The following ADGRE5 variants were observed in gnomAD, a reference collection of about 807,000 sequenced individuals.
The protein encoded by ADGRE5 is CD97 molecule.
A neutral mutation model predicts 100.3 loss-of-function variants in ADGRE5; 72 were observed. The ratio of observed to expected loss-of-function variants is 0.72; its 90% confidence interval spans 0.59 to 0.87. The LOEUF (loss-of-function observed/expected upper bound fraction) is 0.87. ADGRE5 is among the 40% of genes least tolerant of loss of function. ADGRE5 has a pLI of 0.00. For synonymous variants in ADGRE5, 439 were observed against 447.8 expected (o/e 0.98, Z 0.25); for missense variants, 959 against 1,094.7 (o/e 0.88, Z 1.75).
chr19:14,383,001 G>T (rs1345908924), intron 1 of ADGRE5, among the ~76,000 whole-genome samples: 1 of 152,084 alleles, frequency 6.6e-6, no homozygotes, highest in Non-Finnish European at 1.5e-5. Flanking sequence ...CTCCCAAAGT[G>T]CTGGGATTAC....
At chr19:14,393,674 T>C (rs1465327015) in intron 4 of ADGRE5, among the ~76,000 whole-genome samples, 1 of 152,174 alleles carries the variant, frequency 6.6e-6, no homozygotes, top group African/African-American at 2.4e-5. Flanking sequence ...CTGCCCTGCA[T>C]TCAGGCAGAG....
rs190097664 is a variant in ADGRE5, at chr19:14,390,789, C to T, written c.191-135C>T. 9.3e-5 allele frequency: 94 copies of T among 1,011,322 alleles called. No individual in the cohort carries two copies. The East Asian group carries it at 2.3e-3, about 25-fold the overall frequency. 62.6% of individuals were successfully genotyped at this position (1,011,322 alleles called of 1,614,324 possible). On this transcript the variant is annotated intron_variant, in intron 3 of 19. Coordinates refer to ENST00000242786, the MANE Select transcript of ADGRE5 (RefSeq NM_078481.4). ...TGGCTTGCTCCAGCTGCAGCATAGCCTGTGCAGTGCAACTTAAGATTTTTT... is the reference window on the plus strand; with the variant it reads ...TGGCTTGCTCCAGCTGCAGCATAGCTTGTGCAGTGCAACTTAAGATTTTTT...
intron 13 of ADGRE5, chr19:14,405,473 G>A: frequency 2.3e-6 from 1 of 430,332 alleles, no homozygotes; most frequent in Non-Finnish European, 4.1e-6. Context: ...CGTGACTTCA[G>A]TAGGATCCAT....
Position 14,407,099 on chromosome 19 carries a change from T to G in ADGRE5, c.2246T>G (p.Leu749Trp). The change falls in exon 18 of 20, where the codon TTG (leucine) becomes TGG (tryptophan). Residue 749 changes from leucine (L) to tryptophan (W), a missense_variant. Around this residue, in one of 6 missense-constraint regions of ADGRE5, gnomAD observed 428 missense variants for 386.2 expected, o/e 1.11. Coordinates refer to ENST00000242786, the MANE Select transcript of ADGRE5 (RefSeq NM_078481.4). ...TITAIAQLFL[L>W]GCTWVFGLFI... ...ACGGCCATCGCGCAGCTCTTCCTGT[T>G]GGGCTGCACCTGGGTCTTTGGCCTG... 6.2e-7 allele frequency: 1 copy of G among 1,614,150 alleles called. No homozygotes were observed. Among genetic ancestry groups the G allele is most frequent in the Non-Finnish European group, 8.5e-7 (1 of 1,180,018 alleles).
At chr19:14,407,357 C>T (rs558833092) in intron 18 of ADGRE5, 128 bp downstream of exon 18, 11 of 1,068,282 alleles carry the variant, frequency 1.0e-5, no homozygotes, top group Non-Finnish European at 1.3e-5. Flanking sequence ...GCTGTCTTTA[C>T]AAAAAAATTC....
rs1264884791 is a variant in ADGRE5, at chr19:14,396,379, A to G, written c.384A>G (p.Lys128=). 32 of 1,614,166 alleles carry G rather than the reference A, an allele frequency of 2.0e-5. No homozygotes were observed. Among genetic ancestry groups the G allele is most frequent in the African/African-American group, 2.7e-5 (2 of 74,960 alleles). ...GTCAGCAGAACCCAAGGCTCTGTAA[A>G]AGCTACGGCACCTGCGTCAACACCC... ...DECQQNPRLC[K]SYGTCVNTLG... Residue 128 remains lysine (K), a synonymous_variant, in exon 5 of 20, where the codon AAA becomes AAG. Transcript: ENST00000242786.
chr19:14,396,358 G>T lies in ADGRE5; in HGVS notation c.363G>T (p.Gln121His). 1.9e-6 allele frequency: 3 copies of T among 1,614,302 alleles called. No homozygotes were observed. The highest frequency in any genetic ancestry group is 2.5e-6 in the Non-Finnish European group (3 of 1,180,058). Residue 121 changes from glutamine to histidine, a missense_variant, in exon 5 of 20, where the codon CAG becomes CAT. Physicochemically the swap from Gln to His is conservative, Grantham distance 24. Around this residue, in one of 6 missense-constraint regions of ADGRE5, gnomAD observed 114 missense variants for 195.7 expected, o/e 0.58. Coordinates refer to ENST00000242786, the MANE Select transcript of ADGRE5 (RefSeq NM_078481.4). ...CTCTTGCAGATGTGGACGAATGTCA[G>T]CAGAACCCAAGGCTCTGTAAAAGCT... ...ENTCQDVDEC[Q>H]QNPRLCKSYG...
At chr19:14,392,321 GAC>G (rs1975630021) in intron 4 of ADGRE5, among the ~76,000 whole-genome samples, 1 of 133,752 alleles carries the variant, frequency 7.5e-6, no homozygotes, top group Non-Finnish European at 1.6e-5. Context: ...TTGTTTTTGA[GAC>G]AGAGTCTCAC....
In ADGRE5 at chr19:14,408,175, C is replaced by A; in HGVS notation, c.*54C>A. ...CTCCTGTGGCCACAGCAGCTTTGTA[C>A]ACGAAGACCATCCATCCTCCCTTCG... is the stretch of plus-strand genomic sequence containing the variant. On this transcript the variant is annotated 3_prime_UTR_variant, in exon 20 of 20. Coordinates refer to ENST00000242786, the MANE Select transcript of ADGRE5 (RefSeq NM_078481.4). 3 of 1,586,028 alleles carry A rather than the reference C, an allele frequency of 1.9e-6. No homozygotes were observed. Among genetic ancestry groups the A allele is most frequent in the Non-Finnish European group, 2.6e-6 (3 of 1,158,310 alleles).
rs1976200359 is a variant in ADGRE5, at chr19:14,405,764, T to C, written c.1646T>C (p.Leu549Pro). The change falls in exon 14 of 20, where the codon CTG (leucine) becomes CCG (proline). Residue 549 changes from leucine (L) to proline (P), a missense_variant. Physicochemically the swap from Leu to Pro is moderately conservative, Grantham distance 98. This residue lies in a region of ADGRE5 where 428 missense variants were observed against 386.2 expected (regional missense o/e 1.11). Coordinates refer to ENST00000242786, the MANE Select transcript of ADGRE5 (RefSeq NM_078481.4). Reference protein sequence around the residue: ...HYDVEDWKLTLITRVGLALSL... With the variant: ...HYDVEDWKLTPITRVGLALSL... The stretch of plus-strand genomic sequence containing the variant: ...CACTCCTAGGACTGGAAGCTGACCC[T>C]GATCACCAGGGTGGGACTGGCGCTG... 6.2e-7 allele frequency: 1 copy of C among 1,613,254 alleles called. No homozygotes were observed. Among genetic ancestry groups the C allele is most frequent in the Non-Finnish European group, 8.5e-7 (1 of 1,179,582 alleles).
At chr19:14,397,357 G>C (rs550890821) in intron 6 of ADGRE5, 134 bp downstream of exon 6, 3 of 1,437,012 alleles carry the variant, frequency 2.1e-6, no homozygotes, top group Non-Finnish European at 2.9e-6. Context: ...TTCTTCTGAG[G>C]CTAGATGAGA....
chr19:14,401,531 G>T lies in ADGRE5; in HGVS notation c.1043G>T (p.Gly348Val). The T allele has an allele frequency of 6.2e-7, 1 of 1,614,098 alleles. No homozygotes were observed. Among genetic ancestry groups the T allele is most frequent in the South Asian group, 1.1e-5 (1 of 91,084 alleles). The stretch of plus-strand genomic sequence containing the variant: ...ATCCTGGCCAAGAGCCTGCCTAAAG[G>T]CCCCTTCACCTACATTTCCCCTTCG... ...MRILAKSLPK[G>V]PFTYISPSNT... Residue 348 changes from glycine to valine, a missense_variant, in exon 10 of 20, where the codon GGC (glycine) becomes GTC (valine). This residue lies in a region of ADGRE5 where 246 missense variants were observed against 242.2 expected (regional missense o/e 1.02). Coordinates refer to ENST00000242786, the MANE Select transcript of ADGRE5 (RefSeq NM_078481.4). This position sits in a 1 kb window ranked among gnomAD's most constrained non-coding sequence, Gnocchi z 4.1.
In ADGRE5 at chr19:14,402,806, G is replaced by T; in HGVS notation, c.1393G>T (p.Ala465Ser). 1 of 1,613,916 alleles carries T rather than the reference G, an allele frequency of 6.2e-7. No individual in the cohort carries two copies. Among genetic ancestry groups the T allele is most frequent in the Non-Finnish European group, 8.5e-7 (1 of 1,180,008 alleles). ...TKELNSPILF[A>S]FSHLESSDGE... Reference sequence around the variant, plus strand: ...GGAACTCAACTCCCCCATCCTTTTCGCCTTCTCCCACCTTGAGTCCTCCGA... The same window carrying T: ...GGAACTCAACTCCCCCATCCTTTTCTCCTTCTCCCACCTTGAGTCCTCCGA... Residue 465 changes from alanine (A) to serine (S), a missense_variant, in exon 12 of 20, where the codon GCC becomes TCC. By Grantham distance (99) the Ala-to-Ser change is moderately conservative. Coordinates refer to ENST00000242786, the MANE Select transcript of ADGRE5 (RefSeq NM_078481.4).
At position 14,408,433 on chromosome 19, in the gene ADGRE5, C is replaced by G. The variant is rs866942379; in HGVS notation, c.*312C>G. 1.2e-5 allele frequency: 7 copies of G among 581,328 alleles called. No homozygotes were observed. The highest frequency in any genetic ancestry group is 4.0e-5 in the South Asian group (2 of 49,446). 36.0% of individuals were successfully genotyped at this position (581,328 alleles called of 1,614,324 possible). A position where few individuals can be genotyped will look rare whatever the true frequency, so the allele number is the denominator to read the frequency against. ...TGGCACCTGTGGCCAGTACTCGGGA[C>G]AGACTAAGGGCGCTTGTCCCATCCT... On this transcript the variant is annotated 3_prime_UTR_variant, in exon 20 of 20. Coordinates refer to ENST00000242786, the MANE Select transcript of ADGRE5 (RefSeq NM_078481.4).
chr19:14,385,329 C>G (rs563999908), intron 1 of ADGRE5, among the ~76,000 whole-genome samples: 1 of 152,036 alleles, frequency 6.6e-6, no homozygotes, highest in African/African-American at 2.4e-5. Flanking sequence ...TTCTGTCTCT[C>G]TGTCTCTTTG....
chr19:14,396,725 G>A (rs181333925), intron 5 of ADGRE5, among the ~76,000 whole-genome samples: 19 of 152,336 alleles, frequency 1.2e-4, no homozygotes, highest in Admixed American at 7.2e-4. Flanking sequence ...TGTCACGTGC[G>A]AGTGGAAGAA....
chr19:14,402,413 C>T (rs568446395), intron 11 of ADGRE5, among the ~76,000 whole-genome samples, 184 bp from the exon 12 acceptor site: 17 of 150,076 alleles, frequency 1.1e-4, no homozygotes, highest in Non-Finnish European at 1.6e-4. Context: ...CCAGCCTGGG[C>T]GAAAGAGCGA....
chr19:14,405,870 G>C lies in ADGRE5; in HGVS notation c.1752G>C (p.Leu584=), dbSNP rs1976206254. Residue 584 remains leucine (L), a synonymous_variant, in exon 14 of 20, where the codon CTG becomes CTC. Coordinates refer to ENST00000242786, the MANE Select transcript of ADGRE5 (RefSeq NM_078481.4). ...PIQGSRTTIH[L]HLCICLFVGS... ...AGGGCTCGCGCACCACCATACACCTGCACCTCTGCATCTGCCTCTTCGTGG... is the reference window on the plus strand; with the variant it reads ...AGGGCTCGCGCACCACCATACACCTCCACCTCTGCATCTGCCTCTTCGTGG... The C allele has an allele frequency of 7.4e-6, 12 of 1,612,712 alleles. No homozygotes were observed. Among genetic ancestry groups the C allele is most frequent in the Non-Finnish European group, 6.8e-6 (8 of 1,179,986 alleles).
rs375635650 is a variant in ADGRE5 at position 14,408,161 on chromosome 19, A to C, written c.*40A>C. The C allele has an allele frequency of 5.3e-5, 85 of 1,608,590 alleles. No homozygotes were observed. In the African/African-American group the frequency reaches 8.3e-4, roughly 16 times the overall value. ...GGACGGCCCAGCAGCTCCTGTGGCC[A>C]CAGCAGCTTTGTACACGAAGACCAT... On this transcript the variant is annotated 3_prime_UTR_variant, in exon 20 of 20. Coordinates refer to ENST00000242786, the MANE Select transcript of ADGRE5 (RefSeq NM_078481.4).
Sources: gnomAD v4.1 joint callset for allele counts (sites outside exome capture counted in the v4.1 genomes callset) on GRCh38, gnomAD v4.1.1 for gene constraint, gnomAD v4.1.1 regional missense constraint, Gnocchi (gnomAD v3.1) non-coding constraint, MANE v1.5 for transcripts, NCBI Gene and HGNC (gene_info 2026-07-23, HGNC 2026-07-21) for gene names.